The following NTAQ1 variants were observed in gnomAD, a reference collection of about 807,000 sequenced individuals.
NTAQ1 encodes protein N-terminal glutamine amidohydrolase.
In NTAQ1, 21 loss-of-function variants were observed where a neutral mutation model predicts 28.2. That is an observed-to-expected ratio of 0.74 (90% CI 0.53 to 1.07). The LOEUF is 1.07. Among genes scored for constraint, NTAQ1 ranks in the 50% least tolerant of loss-of-function variants. The pLI is 0.00. For missense variants in NTAQ1, 264 were observed against 256.6 expected, an observed-to-expected ratio of 1.03 and a Z score of -0.20; for synonymous variants, 105 against 90.0, an observed-to-expected ratio of 1.17 and a Z score of -0.94.
chr8:123,452,548 G>A (rs1815531506), downstream of NTAQ1, among the ~76,000 whole-genome samples: 3 of 151,582 alleles, frequency 2.0e-5, no homozygotes. Flanking sequence ...AGTGAGCTAA[G>A]ATCGAGCCAT....
At chr8:123,429,350 A>G (rs776706230) in intron 2 of NTAQ1, among the ~76,000 whole-genome samples, 5 of 152,152 alleles carry the variant, frequency 3.3e-5, no homozygotes, top group Non-Finnish European at 7.3e-5. Context: ...CTCTTCATTC[A>G]TTCCTTCACC....
chr8:123,452,016 T>C (rs139060694), downstream of NTAQ1, among the ~76,000 whole-genome samples: 57 of 152,388 alleles, frequency 3.7e-4, no homozygotes, highest in African/African-American at 1.0e-3. Flanking sequence ...TGAATGACTT[T>C]TGCAGAGAGC....
chr8:123,442,869 C>T (rs1480217303), downstream of NTAQ1, among the ~76,000 whole-genome samples: 2 of 150,168 alleles, frequency 1.3e-5, no homozygotes, highest in Non-Finnish European at 3.0e-5. Context: ...GGTTTCACCA[C>T]GTTGGCCAGG....
downstream of NTAQ1, among the ~76,000 whole-genome samples, chr8:123,450,621 C>G (rs190151426): frequency 6.6e-6 from 1 of 152,290 alleles, no homozygotes; most frequent in African/African-American, 2.4e-5. Context: ...AGTTCTCACT[C>G]TGTAGGACGC....
At chr8:123,447,104 CTGTCTAGG>C (rs1815320956), downstream of NTAQ1, among the ~76,000 whole-genome samples, 1 of 151,678 alleles carries the variant, frequency 6.6e-6, no homozygotes, top group Non-Finnish European at 1.5e-5. Context: ...GTTTACTTTT[CTGTCTAGG>C]TGTCCTTGTA....
intron 6 of NTAQ1, among the ~76,000 whole-genome samples, chr8:123,454,144 AG>A (rs1815581991): frequency 6.6e-6 from 1 of 152,200 alleles, no homozygotes; most frequent in African/African-American, 2.4e-5. Flanking sequence ...CTTGTTAAAA[AG>A]GCAAATGTCC....
At chr8:123,430,150 T>G (rs1814310661) in intron 3 of NTAQ1, 117 bp downstream of exon 3, 3 of 621,890 alleles carry the variant, frequency 4.8e-6, no homozygotes, top group Non-Finnish European at 8.2e-6. Context: ...TGGTAATTAT[T>G]AATAAATTGA....
chr8:123,419,773 T>TTCCGTCCC (rs1554650367), intron 1 of NTAQ1, among the ~76,000 whole-genome samples: 14 of 94,180 alleles, frequency 1.5e-4, no homozygotes, highest in Non-Finnish European at 2.5e-4. Context: ...CCTTCCTTTC[T>TTCCGTCCC]TCCCTCCCTC....
At chr8:123,462,344 G>A (rs561030561) in intron 6 of NTAQ1, among the ~76,000 whole-genome samples, 28 of 152,158 alleles carry the variant, frequency 1.8e-4, no homozygotes, top group African/African-American at 6.7e-4. Flanking sequence ...CACCGTGCTG[G>A]GCCTGTGTTT....
intron 5 of NTAQ1, 152 bp downstream of exon 5, chr8:123,437,486 G>A (rs992234904): frequency 1.6e-5 from 17 of 1,083,974 alleles, no homozygotes; most frequent in South Asian, 3.3e-5. Flanking sequence ...GGCGGATCAC[G>A]AGGTCAGGAG....
At chr8:123,445,976 T>TTTTTCCTTTCCTTTCC (rs1371951736), downstream of NTAQ1, among the ~76,000 whole-genome samples, 1 of 74,532 alleles carries the variant, frequency 1.3e-5, no homozygotes, top group East Asian at 4.8e-4. Context: ...TTCCTTTTCC[T>TTTTTCCTTTCCTTTCC]TTTTCCTTTT....
chr8:123,435,324 C>T (rs530732117), intron 3 of NTAQ1: 156 of 242,426 alleles, frequency 6.4e-4, no homozygotes, highest in Middle Eastern at 1.9e-3. Context: ...TTCTTTCTCC[C>T]TTAGTGGCTA....
chr8:123,457,393 G>T (rs981738785), intron 6 of NTAQ1, among the ~76,000 whole-genome samples: 4 of 152,006 alleles, frequency 2.6e-5, no homozygotes, highest in Non-Finnish European at 2.9e-5. Context: ...TCTTAAACAT[G>T]ATATAAATAT....
At chr8:123,461,068 C>G (rs553925513) in intron 6 of NTAQ1, among the ~76,000 whole-genome samples, 17 of 152,156 alleles carry the variant, frequency 1.1e-4, no homozygotes, top group African/African-American at 4.1e-4. Context: ...CTTACTATTC[C>G]TTGCCTAAGT....
At chr8:123,438,519 G>A (rs1414254896) in intron 5 of NTAQ1, among the ~76,000 whole-genome samples, 1 of 152,030 alleles carries the variant, frequency 6.6e-6, no homozygotes, top group Non-Finnish European at 1.5e-5. Flanking sequence ...AGCCGGGTGT[G>A]GTGGTGTGTG....
At chr8:123,424,266 GA>G in intron 1 of NTAQ1, among the ~76,000 whole-genome samples, 1 of 149,588 alleles carries the variant, frequency 6.7e-6, no homozygotes, top group Non-Finnish European at 1.5e-5. Context: ...TTTTTAAGAC[GA>G]AGTCTTGCAC....
At chr8:123,447,872 C>T (rs4531035) in intron 6 of NTAQ1, among the ~76,000 whole-genome samples, 54,952 of 151,892 alleles carry the variant, frequency 0.36, 10,019 homozygotes, top group East Asian at 0.56. Context: ...TCTACAGCAA[C>T]AGAGCTGTGA....
downstream of NTAQ1, among the ~76,000 whole-genome samples, chr8:123,474,639 G>A (rs531214785): frequency 1.2e-4 from 19 of 152,266 alleles, no homozygotes; most frequent in African/African-American, 3.8e-4. Flanking sequence ...GCGTGGTGGC[G>A]TATGCCTGTA....
rs1434729918 is a variant in NTAQ1, at chr8:123,423,243, C to T, written c.84-4681C>T. On this transcript the variant is annotated intron_variant, in intron 1 of 5. Coordinates refer to ENST00000287387, the MANE Select transcript of NTAQ1 (RefSeq NM_018024.3). ...TCCTTCCTTCCCTCTCTCCCTCCTT[C>T]CCTCCCTCCTTCCCTCCTTTCTTTC... Among the ~76,000 whole-genome samples, 6 of 138,400 alleles carry T rather than the reference C, an allele frequency of 4.3e-5. No homozygotes were observed. In the South Asian group the frequency reaches 1.3e-3, roughly 31 times the overall value. The allele number at this position is 138,400 out of a possible 152,430, so 90.8% of individuals were successfully genotyped here. A position where few individuals can be genotyped will look rare whatever the true frequency, so the allele number is the denominator to read the frequency against.
Sources: allele counts gnomAD v4.1 joint callset (sites outside exome capture counted in the v4.1 genomes callset), GRCh38; gene constraint gnomAD v4.1.1; transcripts MANE v1.5; gene names NCBI Gene and HGNC (gene_info 2026-07-23, HGNC 2026-07-21).